SRRM3: variants seen among roughly 807,000 people sequenced by gnomAD.
SRRM3 encodes serine/arginine repetitive matrix protein 3.
SRRM3 carries 27 observed loss-of-function variants against 66.2 expected under a neutral mutation model. That is an observed-to-expected ratio of 0.41 (90% CI 0.30 to 0.56). The LOEUF (loss-of-function observed/expected upper bound fraction) is 0.56, where lower values mean the gene tolerates loss of function less well. SRRM3 is among the 20% of genes least tolerant of loss of function. The pLI is 0.32. For synonymous variants in SRRM3, 391 were observed against 414.9 expected, an observed-to-expected ratio of 0.94 and a Z score of 0.70; for missense variants, 918 against 991.9, an observed-to-expected ratio of 0.93 and a Z score of 1.00.
Position 76,215,398 on chromosome 7 carries a change from T to TA in SRRM3, c.-40+13331_-40+13332insA, listed in dbSNP as rs1185627084. Among the ~76,000 whole-genome samples the TA allele has an allele frequency of 3.1e-3, 443 of 143,170 alleles. 1 individual carries two copies. Among genetic ancestry groups the TA allele is most frequent in the Non-Finnish European group, 4.8e-3 (314 of 65,800 alleles). The allele number at this position is 143,170 out of a possible 152,430, so 93.9% of individuals were successfully genotyped here. The stretch of plus-strand genomic sequence containing the variant: ...GCTGGGAGTTAGGAGCCCGCAGTTT[T>TA]TTTTTTTTTTTTTTTTTTTTTTAGA... On this transcript the variant is annotated intron_variant, in intron 1 of 14. Coordinates refer to ENST00000611745, the MANE Select transcript of SRRM3 (RefSeq NM_001110199.3).
intron 11 of SRRM3, among the ~76,000 whole-genome samples, chr7:76,275,161 GC>G (rs1459297762): frequency 6.6e-6 from 1 of 151,356 alleles, no homozygotes; most frequent in African/African-American, 2.4e-5. Context: ...CCATTATGAG[GC>G]CTACACGGGC....
intron 9 of SRRM3, 117 bp from the exon 10 acceptor site, chr7:76,265,247 C>T: frequency 1.5e-6 from 1 of 658,468 alleles, no homozygotes; most frequent in Non-Finnish European, 2.5e-6. Flanking sequence ...GACTGATGAA[C>T]ACTGGCTTTC....
intron 3 of SRRM3, among the ~76,000 whole-genome samples, chr7:76,252,144 T>G (rs1335675129): frequency 6.6e-6 from 1 of 151,956 alleles, no homozygotes; most frequent in African/African-American, 2.4e-5. Flanking sequence ...TTAAACAAAT[T>G]TAGGACTCAG....
rs963625910 is a variant in SRRM3 at position 76,282,502 on chromosome 7, G to A, written c.1371-146G>A. 7 of 385,600 alleles carry A rather than the reference G, an allele frequency of 1.8e-5. No homozygotes were observed. The South Asian group carries it at 2.9e-4, about 16-fold the overall frequency. 23.9% of individuals were successfully genotyped at this position (385,600 alleles called of 1,614,324 possible). ...TGACCCCTGCCCCTCACTAGGCTCC[G>A]CGTTCACTGCGCACTCCGCGCGAAC... On this transcript the variant is annotated intron_variant, in intron 12 of 14. Coordinates refer to ENST00000611745, the MANE Select transcript of SRRM3 (RefSeq NM_001110199.3).
chr7:76,281,223 T>TCTCTTTTTCTCTGTCTCTCG (rs1290962164), intron 11 of SRRM3, among the ~76,000 whole-genome samples: 3 of 150,704 alleles, frequency 2.0e-5, no homozygotes, highest in African/African-American at 7.3e-5. Context: ...TCTCTCTCCG[T>TCTCTTTTTCTCTGTCTCTCG]CTCTTTTTCT....
chr7:76,285,479 C>T lies in SRRM3; in HGVS notation c.1734-136C>T, dbSNP rs1242765308. On this transcript the variant is annotated intron_variant, in intron 14 of 14. Coordinates refer to ENST00000611745, the MANE Select transcript of SRRM3 (RefSeq NM_001110199.3). This position sits in a 1 kb window ranked among gnomAD's most constrained non-coding sequence, Gnocchi z 4.1. ...ATGGAATTTGCAAGTAACCAATGAC[C>T]GTCAGATTCCATTTGGAGAAGGCAG... 9.0e-6 allele frequency: 6 copies of T among 669,536 alleles called. No homozygotes were observed. Among genetic ancestry groups the T allele is most frequent in the Middle Eastern group, 4.2e-4 (1 of 2,406 alleles). 41.5% of individuals were successfully genotyped at this position (669,536 alleles called of 1,614,324 possible). A position where few individuals can be genotyped will look rare whatever the true frequency, so the allele number is the denominator to read the frequency against.
chr7:76,271,049 G>C (rs572954711), intron 11 of SRRM3, among the ~76,000 whole-genome samples: 2 of 152,194 alleles, frequency 1.3e-5, no homozygotes, highest in East Asian at 3.9e-4. Flanking sequence ...CCCTTTGTTG[G>C]CCCATCCCAG....
chr7:76,260,898 A>C lies in SRRM3; in HGVS notation c.570A>C (p.Glu190Asp). The C allele has an allele frequency of 6.4e-7, 1 of 1,561,674 alleles. No homozygotes were observed. Among genetic ancestry groups the C allele is most frequent in the Non-Finnish European group, 8.7e-7 (1 of 1,152,300 alleles). Residue 190 changes from glutamate (E) to aspartate (D), a missense_variant, in exon 6 of 15, where the codon GAA becomes GAC. Coordinates refer to ENST00000611745, the MANE Select transcript of SRRM3 (RefSeq NM_001110199.3). ...RSRKKRRLES[E>D]CSCGSSSPLR... ...GCAAAAAGAGGAGACTGGAGTCCGA[A>C]TGCAGGTCAGTGGGGACAGAGCTGG...
At chr7:76,249,564 A>T (rs1554606656) in intron 3 of SRRM3, among the ~76,000 whole-genome samples, 1 of 152,222 alleles carries the variant, frequency 6.6e-6, no homozygotes, top group African/African-American at 2.4e-5. Flanking sequence ...CCATACAAAC[A>T]CTGGAGGAGG....
intron 1 of SRRM3, among the ~76,000 whole-genome samples, chr7:76,217,891 C>T (rs753999894): frequency 5.9e-5 from 9 of 152,280 alleles, no homozygotes; most frequent in East Asian, 1.9e-4. Flanking sequence ...ATGTTTCTCA[C>T]GACCCGAACC....
chr7:76,205,004 CT>C (rs1248587341), intron 1 of SRRM3, among the ~76,000 whole-genome samples: 1 of 152,092 alleles, frequency 6.6e-6, no homozygotes, highest in Non-Finnish European at 1.5e-5. Context: ...TGAGTTCCCC[CT>C]CTTGATCCCC....
intron 2 of SRRM3, among the ~76,000 whole-genome samples, chr7:76,240,632 A>C (rs902905152): frequency 1.2e-4 from 18 of 152,076 alleles, no homozygotes; most frequent in Admixed American, 2.0e-4. Context: ...AAAAAAAAAA[A>C]AAAAACATTT....
chr7:76,282,076 A>G (rs1297783808), intron 12 of SRRM3, among the ~76,000 whole-genome samples: 26 of 117,886 alleles, frequency 2.2e-4, no homozygotes, highest in Non-Finnish European at 3.7e-4. Flanking sequence ...TATGGACCCC[A>G]TGGATCCTCC....
chr7:76,213,412 C>A (rs1310151709), intron 1 of SRRM3, among the ~76,000 whole-genome samples: 1 of 152,156 alleles, frequency 6.6e-6, no homozygotes, highest in Non-Finnish European at 1.5e-5. Flanking sequence ...CTCACAACAT[C>A]CAATGATGTA....
At chr7:76,251,670 G>A (rs564878784) in intron 3 of SRRM3, among the ~76,000 whole-genome samples, 13 of 151,958 alleles carry the variant, frequency 8.6e-5, no homozygotes, top group Middle Eastern at 3.4e-3. Flanking sequence ...CACCGCGCCC[G>A]GCCCCCAGCA....
chr7:76,226,779 C>T (rs1322059271), intron 1 of SRRM3, among the ~76,000 whole-genome samples: 1 of 151,834 alleles, frequency 6.6e-6, no homozygotes, highest in Non-Finnish European at 1.5e-5. Flanking sequence ...TTAGTAGAGA[C>T]AGGATTTCAC....
At chr7:76,261,205 G>A (rs1277077789) in intron 6 of SRRM3, 147 bp from the exon 7 acceptor site, 33 of 680,880 alleles carry the variant, frequency 4.8e-5, no homozygotes, top group Non-Finnish European at 5.6e-5. Context: ...TTGGGGCCTC[G>A]GGTCACTCTG....
At chr7:76,251,435 C>T (rs1313127789) in intron 3 of SRRM3, among the ~76,000 whole-genome samples, 12 of 150,168 alleles carry the variant, frequency 8.0e-5, no homozygotes, top group East Asian at 6.0e-4. Context: ...AGTGCAGTGG[C>T]GCAATCTCGG....
intron 12 of SRRM3, 66 bp from the exon 13 acceptor site, chr7:76,282,582 C>CCA: frequency 9.5e-6 from 4 of 421,562 alleles, no homozygotes; most frequent in Non-Finnish European, 7.1e-6. Flanking sequence ...CCCCAGGGAA[C>CCA]CCTCCCCGCC....
Sources: gnomAD v4.1 joint callset for allele counts (sites outside exome capture counted in the v4.1 genomes callset) on GRCh38, gnomAD v4.1.1 for gene constraint, Gnocchi (gnomAD v3.1) non-coding constraint, MANE v1.5 for transcripts, NCBI Gene and HGNC (gene_info 2026-07-23, HGNC 2026-07-21) for gene names.